Variants in SAMHD1 observed in about 807,000 individuals in gnomAD.
SAMHD1 encodes the protein SAM and HD domain containing deoxynucleoside triphosphate triphosphohydrolase 1, also known as deoxynucleoside triphosphate triphosphohydrolase SAMHD1.
In SAMHD1, 54 loss-of-function variants were observed where a neutral mutation model predicts 79.6. The ratio of observed to expected loss-of-function variants is 0.68; its 90% CI spans 0.55 to 0.85. The LOEUF is 0.85. Among genes scored for constraint, SAMHD1 ranks in the 40% least tolerant of loss-of-function variants. SAMHD1 has a pLI of 0.00. For missense variants in SAMHD1, 663 were observed against 782.7 expected, an observed-to-expected ratio of 0.85 and a Z score of 1.82; for synonymous variants, 260 against 264.1, an observed-to-expected ratio of 0.98 and a Z score of 0.15.
rs538649369 is a variant in SAMHD1, at chr20:36,907,118, G to T, written c.1271-1615C>A. On this transcript the variant is annotated intron_variant, in intron 11 of 15. Coordinates refer to ENST00000646673, the MANE Select transcript of SAMHD1 (RefSeq NM_015474.4). ...TTTTTTTTTTTTTTAAGGAGACAAG[G>T]TCAGGTTCTGTGGCCTAGGCTGAAG... is the stretch of plus-strand genomic sequence containing the variant. 1.9e-4 allele frequency among the ~76,000 whole-genome samples: 28 copies of T among 150,454 alleles called. No individual in the cohort carries two copies. The East Asian group carries it at 5.5e-3, about 29-fold the overall frequency.
intron 12 of SAMHD1, chr20:36,904,673 C>T (rs774899755): frequency 4.2e-5 from 10 of 236,812 alleles, no homozygotes; most frequent in Non-Finnish European, 8.4e-5. Flanking sequence ...GCTGAGATCG[C>T]GCCACTGCAC....
chr20:36,928,083 C>A (rs1450682884), intron 5 of SAMHD1, among the ~76,000 whole-genome samples: 1 of 152,174 alleles, frequency 6.6e-6, no homozygotes, highest in Non-Finnish European at 1.5e-5. Flanking sequence ...ATTAAAATAG[C>A]AGTTTCAAGA....
At chr20:36,900,110 T>G (rs576945761) in intron 13 of SAMHD1, among the ~76,000 whole-genome samples, 2 of 142,992 alleles carry the variant, frequency 1.4e-5, no homozygotes, top group Admixed American at 1.4e-4. Context: ...AAAAAAAAAA[T>G]GTAAGAGAAG....
At chr20:36,899,257 T>TAAAA (rs34443478) in intron 13 of SAMHD1, among the ~76,000 whole-genome samples, 3 of 108,612 alleles carry the variant, frequency 2.8e-5, no homozygotes, top group South Asian at 6.3e-4. Context: ...CCAAAAATAC[T>TAAAA]AAAAAAAAAA....
intron 1 of SAMHD1, among the ~76,000 whole-genome samples, chr20:36,949,755 C>CAAAAAAAAAAAA (rs34682795): frequency 1.4e-5 from 1 of 69,800 alleles, no homozygotes; most frequent in African/African-American, 6.0e-5. Context: ...GACTCTGTCT[C>CAAAAAAAAAAAA]AAAAAAAAAA....
chr20:36,899,928 A>C (rs191166907), intron 13 of SAMHD1, among the ~76,000 whole-genome samples: 1 of 152,088 alleles, frequency 6.6e-6, no homozygotes, highest in African/African-American at 2.4e-5. Context: ...ACCCCATCTC[A>C]ACTAAAAATA....
chr20:36,911,503 G>T (rs2063440221), intron 10 of SAMHD1, 170 bp from the exon 11 acceptor site: 2 of 615,698 alleles, frequency 3.2e-6, no homozygotes, highest in Non-Finnish European at 5.8e-6. Flanking sequence ...GCTGTGAGCT[G>T]CCATGCTTAC....
rs564287636 is a variant in SAMHD1, at chr20:36,925,688, G to T, written c.696+1494C>A. Among the ~76,000 whole-genome samples the T allele has an allele frequency of 3.9e-5, 6 of 152,306 alleles. No individual in the cohort carries two copies. The East Asian group carries it at 1.2e-3, about 29-fold the overall frequency. Reference sequence around the variant, plus strand: ...AAACTTTTTAAACGAGTAAAATGTTGAGAGTTCTTTGCAGAAGAAGATATA... The same window carrying T: ...AAACTTTTTAAACGAGTAAAATGTTTAGAGTTCTTTGCAGAAGAAGATATA... On this transcript the variant is annotated intron_variant, in intron 6 of 15. Transcript: ENST00000646673.
chr20:36,939,074 C>A (rs1271659043), intron 3 of SAMHD1, among the ~76,000 whole-genome samples: 7 of 8,450 alleles, frequency 8.3e-4, no homozygotes, highest in East Asian at 8.1e-3. Flanking sequence ...ACTAAAAATA[C>A]CAAAAAAAAA....
intron 12 of SAMHD1, 149 bp from the exon 13 acceptor site, chr20:36,904,398 TAAAC>T: frequency 1.5e-6 from 1 of 687,226 alleles, no homozygotes. Flanking sequence ...TGTCACTCGT[TAAAC>T]AAAGAGAGCA....
rs1446757285 is a variant in SAMHD1, at chr20:36,935,128, T to C, written c.410A>G (p.Asp137Gly). ...ELHPLLVRIIDTPQFQRLRYI... is the reference protein window; with the variant it reads ...ELHPLLVRIIGTPQFQRLRYI... ...TCGAAGACGTTGAAATTGAGGTGTA[T>C]CAATGATTCGGACGAGGAGAGGGTG... The change falls in exon 4 of 16, where the codon GAT (aspartate) becomes GGT (glycine). Residue 137 changes from aspartate (D) to glycine (G), a missense_variant. Physicochemically the swap from Asp to Gly is moderately conservative, Grantham distance 94. Coordinates refer to ENST00000646673, the MANE Select transcript of SAMHD1 (RefSeq NM_015474.4). 1.2e-6 allele frequency: 2 copies of C among 1,613,886 alleles called. No individual in the cohort carries two copies. Among genetic ancestry groups the C allele is most frequent in the Non-Finnish European group, 8.5e-7 (1 of 1,179,772 alleles).
At chr20:36,912,312 T>C in intron 10 of SAMHD1, 149 bp downstream of exon 10, 1 of 645,818 alleles carries the variant, frequency 1.5e-6, no homozygotes. Context: ...AACTTTATGC[T>C]AGATTTTTTT....
intron 7 of SAMHD1, among the ~76,000 whole-genome samples, chr20:36,918,362 C>T (rs6016744): frequency 0.83 from 125,822 of 151,466 alleles, 52,654 homozygotes; most frequent in East Asian, 0.99. Flanking sequence ...CTCACGCCTG[C>T]AATCCCAGTA....
At chr20:36,917,286 A>G in intron 7 of SAMHD1, 1 of 504,594 alleles carries the variant, frequency 2.0e-6, no homozygotes, top group Non-Finnish European at 3.6e-6. Context: ...TGTGCCACTG[A>G]AAAGATCTGA....
At chr20:36,898,042 C>CT (rs570803929) in intron 14 of SAMHD1, 83 bp from the exon 15 acceptor site, 790 of 1,517,810 alleles carry the variant, frequency 5.2e-4, no homozygotes, top group African/African-American at 1.1e-3. Flanking sequence ...CTAACTATTC[C>CT]TTTTTTTTTG....
intron 15 of SAMHD1, among the ~76,000 whole-genome samples, chr20:36,894,551 G>A (rs1391359254): frequency 1.3e-5 from 2 of 151,506 alleles, no homozygotes; most frequent in African/African-American, 2.4e-5. Context: ...TGGATCACTT[G>A]AGGTCGGGAG....
At chr20:36,912,706 A>C (rs1344157875) in intron 9 of SAMHD1, among the ~76,000 whole-genome samples, 154 bp from the exon 10 acceptor site, 1 of 151,202 alleles carries the variant, frequency 6.6e-6, no homozygotes, top group Non-Finnish European at 1.5e-5. Context: ...CCACTAAAAA[A>C]TGAGGAGGCA....
chr20:36,949,824 G>A (rs1179646142), intron 1 of SAMHD1, among the ~76,000 whole-genome samples: 3 of 151,294 alleles, frequency 2.0e-5, no homozygotes, highest in Non-Finnish European at 2.9e-5. Context: ...TAAAGGACGG[G>A]CAAGCAGAAA....
intron 2 of SAMHD1, among the ~76,000 whole-genome samples, chr20:36,945,041 C>G (rs559805243): frequency 2.8e-4 from 43 of 152,186 alleles, no homozygotes; most frequent in Admixed American, 6.5e-4. Context: ...ATCTATCTAC[C>G]TACCTACCTA....
Sources: gnomAD v4.1 joint callset for allele counts (sites outside exome capture counted in the v4.1 genomes callset) on GRCh38, gnomAD v4.1.1 for gene constraint, MANE v1.5 for transcripts, NCBI Gene and HGNC (gene_info 2026-07-23, HGNC 2026-07-21) for gene names.